Variants in MGAT4C observed in about 807,000 individuals in gnomAD.
MGAT4C encodes MGAT4 family member C.
A neutral mutation model predicts 40.1 loss-of-function variants in MGAT4C; 19 were observed. The ratio of observed to expected loss-of-function variants is 0.47; its 90% confidence interval spans 0.33 to 0.70. The LOEUF (loss-of-function observed/expected upper bound fraction) is 0.70. MGAT4C is among the 30% of genes least tolerant of loss of function. The pLI is 0.02. For synonymous variants in MGAT4C, 181 were observed against 187.1 expected (o/e 0.97, Z 0.27); for missense variants, 491 against 563.2 (o/e 0.87, Z 1.30).
At chr12:86,074,251 C>A (rs146782549) in intron 1 of MGAT4C, among the ~76,000 whole-genome samples, 4 of 151,484 alleles carry the variant, frequency 2.6e-5, no homozygotes, top group African/African-American at 9.7e-5. Flanking sequence ...TTTTAGTTCT[C>A]AGTTTCGGGT....
intron 2 of MGAT4C, among the ~76,000 whole-genome samples, chr12:86,565,001 T>C (rs1960028489): frequency 6.6e-6 from 1 of 152,308 alleles, no homozygotes; most frequent in Non-Finnish European, 1.5e-5. Flanking sequence ...TCTGGGATTT[T>C]GGAACAAGGT....
intron 3 of MGAT4C, among the ~76,000 whole-genome samples, chr12:86,431,200 C>G (rs769271621): frequency 1.3e-5 from 2 of 152,134 alleles, no homozygotes; most frequent in Non-Finnish European, 2.9e-5. Context: ...ATGAGGTTGA[C>G]TGGTATCTGC....
At chr12:86,543,143 G>C (rs527679997) in intron 2 of MGAT4C, among the ~76,000 whole-genome samples, 1 of 151,842 alleles carries the variant, frequency 6.6e-6, no homozygotes, top group East Asian at 1.9e-4. Context: ...GATTAAGAGC[G>C]TTGATGAGTA....
intron 3 of MGAT4C, among the ~76,000 whole-genome samples, chr12:85,984,627 C>T (rs1181244825): frequency 6.6e-6 from 1 of 152,050 alleles, no homozygotes; most frequent in Non-Finnish European, 1.5e-5. Flanking sequence ...TGGTTATACA[C>T]TATTAGGAAA....
chr12:86,801,855 G>T (rs879810923), intron 1 of MGAT4C, among the ~76,000 whole-genome samples: 14,540 of 151,656 alleles, frequency 0.096, 950 homozygotes, highest in Non-Finnish European at 0.14. Flanking sequence ...AATACAAAAT[G>T]TTAAGGGAAA....
intron 1 of MGAT4C, among the ~76,000 whole-genome samples, chr12:86,825,973 T>C (rs1162235813): frequency 2.6e-5 from 4 of 151,408 alleles, no homozygotes; most frequent in Non-Finnish European, 4.4e-5. Flanking sequence ...TGATTGGCAA[T>C]AGTGCTAAGA....
rs1173838347 is a variant in MGAT4C at position 86,795,652 on chromosome 12, GGAA to G, written c.-262+43011_-262+43013del. Among the ~76,000 whole-genome samples, 7 of 151,882 alleles carry G rather than the reference GGAA, an allele frequency of 4.6e-5. No homozygotes were observed. In the East Asian group the frequency reaches 9.7e-4, roughly 21 times the overall value. ...AGAGAAATATGGAGGGAGAGGTACA[GGAA>G]GAAGAAGAGAGATGGATACATCTAA... On this transcript the variant is annotated intron_variant, in intron 1 of 7. Transcript: ENST00000548651.
At chr12:86,122,661 T>G (rs188374353) in intron 1 of MGAT4C, among the ~76,000 whole-genome samples, 1 of 152,258 alleles carries the variant, frequency 6.6e-6, no homozygotes, top group Admixed American at 6.5e-5. Flanking sequence ...AATGGTTCTA[T>G]TAAGCTTCGA....
intron 2 of MGAT4C, among the ~76,000 whole-genome samples, chr12:86,619,356 G>A (rs1296429108): frequency 1.3e-5 from 2 of 151,934 alleles, no homozygotes; most frequent in African/African-American, 4.8e-5. Context: ...AGATCTTCAA[G>A]AAATCTTAGT....
chr12:86,361,499 A>G (rs1254489281), intron 3 of MGAT4C, among the ~76,000 whole-genome samples: 1 of 152,232 alleles, frequency 6.6e-6, no homozygotes, highest in Admixed American at 6.5e-5. Context: ...ATCTAATTAA[A>G]CTAAACAGCT....
chr12:86,095,080 AT>A (rs1873659952), intron 1 of MGAT4C, among the ~76,000 whole-genome samples: 2 of 152,248 alleles, frequency 1.3e-5, no homozygotes, highest in South Asian at 4.1e-4. Flanking sequence ...TTTAAGAACA[AT>A]ACATTTTCTA....
At chr12:86,062,463 C>T (rs900565900) in intron 1 of MGAT4C, among the ~76,000 whole-genome samples, 2 of 151,906 alleles carry the variant, frequency 1.3e-5, no homozygotes, top group African/African-American at 4.8e-5. Flanking sequence ...ACCAGAATGC[C>T]TTTTCTCCTC....
chr12:86,104,933 A>G (rs1213595128), intron 1 of MGAT4C, among the ~76,000 whole-genome samples: 1 of 152,118 alleles, frequency 6.6e-6, no homozygotes, highest in Non-Finnish European at 1.5e-5. Context: ...AACAGGGTTC[A>G]GAGTTAGACA....
At chr12:86,620,362 T>C (rs965086097) in intron 2 of MGAT4C, among the ~76,000 whole-genome samples, 3 of 150,178 alleles carry the variant, frequency 2.0e-5, no homozygotes, top group African/African-American at 7.3e-5. Context: ...CACACACACA[T>C]ATCCTGGAAT....
intron 1 of MGAT4C, among the ~76,000 whole-genome samples, chr12:86,756,049 A>T (rs1951299284): frequency 6.6e-6 from 1 of 152,054 alleles, no homozygotes; most frequent in Non-Finnish European, 1.5e-5. Flanking sequence ...ATTTCATCTT[A>T]TCTGAAAATA....
At chr12:86,437,627 A>AT (rs1475417689) in intron 2 of MGAT4C, among the ~76,000 whole-genome samples, 13 of 152,046 alleles carry the variant, frequency 8.6e-5, no homozygotes, top group Admixed American at 8.5e-4. Flanking sequence ...CAAATTGAAC[A>AT]TTTGTGGTAA....
intron 3 of MGAT4C, among the ~76,000 whole-genome samples, chr12:86,341,597 C>A (rs535627032): frequency 6.6e-6 from 1 of 152,326 alleles, no homozygotes; most frequent in African/African-American, 2.4e-5. Flanking sequence ...AGCAGCACTG[C>A]ACTCCCCTAA....
chr12:86,696,429 A>G (rs1950260203), intron 2 of MGAT4C, among the ~76,000 whole-genome samples: 3 of 152,162 alleles, frequency 2.0e-5, no homozygotes, highest in African/African-American at 7.2e-5. Flanking sequence ...CAATAAATAA[A>G]TAATTAAGTA....
intron 1 of MGAT4C, among the ~76,000 whole-genome samples, chr12:86,805,904 A>G (rs1329958063): frequency 1.3e-5 from 2 of 151,890 alleles, no homozygotes; most frequent in Non-Finnish European, 2.9e-5. Context: ...TTTTAATAAT[A>G]GCCATTATGA....
Sources: gnomAD v4.1 joint callset for allele counts (sites outside exome capture counted in the v4.1 genomes callset) on GRCh38, gnomAD v4.1.1 for gene constraint, MANE v1.5 for transcripts, NCBI Gene and HGNC (gene_info 2026-07-23, HGNC 2026-07-21) for gene names.